KSR2: variants seen among roughly 807,000 people sequenced by gnomAD.
The protein encoded by KSR2 is kinase suppressor of ras 2.
A neutral mutation model predicts 107.8 loss-of-function variants in KSR2; 25 were observed. The ratio of observed to expected loss-of-function variants is 0.23; its 90% CI spans 0.17 to 0.32. The LOEUF (loss-of-function observed/expected upper bound fraction) is 0.32. KSR2 is among the 10% of genes least tolerant of loss of function. The pLI is 1.00. For synonymous variants in KSR2, 480 were observed against 507.0 expected, an observed-to-expected ratio of 0.95 and a Z score of 0.71; for missense variants, 887 against 1,268.9, an observed-to-expected ratio of 0.70 and a Z score of 4.57.
chr12:117,530,885 G>A, intron 12 of KSR2, 56 bp downstream of exon 12: 1 of 1,473,872 alleles, frequency 6.8e-7, no homozygotes, highest in Non-Finnish European at 9.5e-7. Flanking sequence ...TGAGTGGATT[G>A]TAGGGCCAGG....
chr12:117,822,270 C>T (rs1379853491), intron 3 of KSR2, among the ~76,000 whole-genome samples: 1 of 152,168 alleles, frequency 6.6e-6, no homozygotes, highest in Non-Finnish European at 1.5e-5. Context: ...TATTTCTCTA[C>T]TTTCTTAATA....
chr12:117,744,159 G>A (rs1888316587), intron 4 of KSR2, among the ~76,000 whole-genome samples: 1 of 152,090 alleles, frequency 6.6e-6, no homozygotes, highest in African/African-American at 2.4e-5. Flanking sequence ...TTCCCATCCT[G>A]CCTCTGCTGC....
chr12:117,480,061 T>TGTGTG (rs71099055), intron 16 of KSR2, among the ~76,000 whole-genome samples: 1 of 151,226 alleles, frequency 6.6e-6, no homozygotes, highest in Non-Finnish European at 1.5e-5. Flanking sequence ...TGTGTGTGTG[T>TGTGTG]TTATCTCGAG....
intron 3 of KSR2, among the ~76,000 whole-genome samples, chr12:117,801,340 G>A (rs1337402686): frequency 1.3e-5 from 2 of 151,570 alleles, no homozygotes; most frequent in African/African-American, 4.9e-5. Context: ...TATTGGCCAG[G>A]CTGATCTCAA....
rs1005583572 is a variant in KSR2 at position 117,913,853 on chromosome 12, G to A, written c.181-53422C>T. Among the ~76,000 whole-genome samples the A allele has an allele frequency of 3.9e-5, 6 of 152,184 alleles. No homozygotes were observed. In the East Asian group the frequency reaches 1.2e-3, roughly 29 times the overall value. On this transcript the variant is annotated intron_variant, in intron 1 of 19. Coordinates refer to ENST00000339824, the MANE Select transcript of KSR2 (RefSeq NM_173598.6). ...CATACCTCTCCCCCAAGTTCTCCAC[G>A]CTGGAGTCTCGGGACCCGCCGGATG...
chr12:117,837,607 G>A (rs748122355), intron 3 of KSR2, among the ~76,000 whole-genome samples: 2 of 152,040 alleles, frequency 1.3e-5, no homozygotes, highest in Non-Finnish European at 2.9e-5. Context: ...TCCACCCTAC[G>A]TGATCATGAT....
At chr12:117,875,115 T>C (rs1280853943) in intron 1 of KSR2, among the ~76,000 whole-genome samples, 2 of 152,178 alleles carry the variant, frequency 1.3e-5, no homozygotes, top group African/African-American at 4.8e-5. Context: ...GTACTCTGTA[T>C]TAGCATGGCG....
At chr12:117,753,270 C>T (rs928525731) in intron 4 of KSR2, among the ~76,000 whole-genome samples, 1 of 152,166 alleles carries the variant, frequency 6.6e-6, no homozygotes, top group Non-Finnish European at 1.5e-5. Context: ...TTCATAAGCG[C>T]AGATATGGTG....
chr12:117,834,972 C>T (rs1200754215), intron 3 of KSR2, among the ~76,000 whole-genome samples: 3 of 152,186 alleles, frequency 2.0e-5, no homozygotes, highest in East Asian at 1.9e-4. Flanking sequence ...GAGCCGTCTT[C>T]GAGGGCAGGG....
intron 14 of KSR2, among the ~76,000 whole-genome samples, chr12:117,510,616 C>A (rs1227480516): frequency 6.6e-6 from 1 of 152,192 alleles, no homozygotes; most frequent in African/African-American, 2.4e-5. Context: ...GTGGCTCATG[C>A]CTGTAATCCC....
chr12:117,927,009 G>A (rs556018288), intron 1 of KSR2, among the ~76,000 whole-genome samples: 4 of 152,250 alleles, frequency 2.6e-5, no homozygotes, highest in East Asian at 3.9e-4. Flanking sequence ...CTGGCACACC[G>A]TTGGCACCCA....
rs565678740 is a variant in KSR2 at position 117,553,345 on chromosome 12, T to A, written c.1518+1824A>T. Among the ~76,000 whole-genome samples, 16 of 152,360 alleles carry A rather than the reference T, an allele frequency of 1.1e-4. 1 individual carries two copies. The South Asian group carries it at 3.1e-3, about 30-fold the overall frequency. Reference sequence around the variant, plus strand: ...GATAGAGGAGGGACCAAATTTTGCATGGGCTTTCAGGCTGCAGCAGAGTCT... The same window carrying A: ...GATAGAGGAGGGACCAAATTTTGCAAGGGCTTTCAGGCTGCAGCAGAGTCT... On this transcript the variant is annotated intron_variant, in intron 9 of 19. Coordinates refer to ENST00000339824, the MANE Select transcript of KSR2 (RefSeq NM_173598.6).
chr12:117,793,967 GCA>G (rs776787459), intron 3 of KSR2, among the ~76,000 whole-genome samples: 10 of 107,802 alleles, frequency 9.3e-5, no homozygotes, highest in Non-Finnish European at 1.4e-4. Flanking sequence ...ACACCAACAT[GCA>G]CACACACCAT....
intron 1 of KSR2, among the ~76,000 whole-genome samples, chr12:117,940,688 T>C (rs1337368149): frequency 2.0e-5 from 3 of 152,256 alleles, no homozygotes; most frequent in African/African-American, 7.2e-5. Flanking sequence ...TTAAGGAATA[T>C]GGCAAAGAGC....
chr12:117,834,068 C>T (rs1344096408), intron 3 of KSR2, among the ~76,000 whole-genome samples: 2 of 151,376 alleles, frequency 1.3e-5, no homozygotes, highest in Non-Finnish European at 2.9e-5. Context: ...TTGAGCCTGG[C>T]AGGCAAAGGT....
chr12:117,871,425 C>CATTTTTTG (rs1476775762), intron 1 of KSR2, among the ~76,000 whole-genome samples: 2 of 152,056 alleles, frequency 1.3e-5, no homozygotes, highest in Non-Finnish European at 2.9e-5. Flanking sequence ...CCCGTCACTA[C>CATTTTTTG]TAAAACTACA....
At chr12:117,700,331 T>C (rs1031129008) in intron 4 of KSR2, among the ~76,000 whole-genome samples, 2 of 152,138 alleles carry the variant, frequency 1.3e-5, no homozygotes, top group African/African-American at 4.8e-5. Context: ...GGACCTCAGA[T>C]CCTGGAGCCC....
intron 11 of KSR2, 97 bp downstream of exon 11, chr12:117,531,569 G>T: frequency 9.8e-7 from 1 of 1,020,654 alleles, no homozygotes; most frequent in Non-Finnish European, 1.5e-6. Context: ...TTGATCTTAG[G>T]CACCCCCACA....
At chr12:117,532,820 A>G (rs903269080) in intron 10 of KSR2, among the ~76,000 whole-genome samples, 3 of 152,192 alleles carry the variant, frequency 2.0e-5, no homozygotes, top group East Asian at 3.9e-4. Context: ...TGTGTCCTTA[A>G]GTAAATGAAG....
Sources: gnomAD v4.1 joint callset for allele counts (sites outside exome capture counted in the v4.1 genomes callset) on GRCh38, gnomAD v4.1.1 for gene constraint, MANE v1.5 for transcripts, NCBI Gene and HGNC (gene_info 2026-07-23, HGNC 2026-07-21) for gene names.